Variants in PPP4R3A observed in about 807,000 individuals in gnomAD.
PPP4R3A encodes serine/threonine-protein phosphatase 4 regulatory subunit 3A.
A neutral mutation model predicts 91.7 loss-of-function variants in PPP4R3A; 15 were observed. The ratio of observed to expected loss-of-function variants is 0.16; its 90% confidence interval spans 0.11 to 0.25. PPP4R3A has a LOEUF of 0.25. Among genes scored for constraint, PPP4R3A ranks in the 10% least tolerant of loss-of-function variants. The pLI, the probability that PPP4R3A is intolerant of heterozygous loss-of-function variation, is 1.00. For missense variants in PPP4R3A, 623 were observed against 998.4 expected, an observed-to-expected ratio of 0.62 and a Z score of 5.07; for synonymous variants, 377 against 348.7, an observed-to-expected ratio of 1.08 and a Z score of -0.91.
rs138462363 is a variant in PPP4R3A, at chr14:91,502,736, C to T, written c.142+6770G>A. ...CTTGAACAAAAACATTTCTCCATGT[C>T]TCATTTTCTTCATGCCTCAAGTAAC... is the stretch of plus-strand genomic sequence containing the variant. On this transcript the variant is annotated intron_variant, in intron 1 of 14. Transcript: ENST00000554943. Among the ~76,000 whole-genome samples, 311 of 152,316 alleles carry T rather than the reference C, an allele frequency of 2.0e-3. 1 individual carries two copies. The highest frequency in any genetic ancestry group is 6.8e-3 in the Middle Eastern group (2 of 294).
intron 14 of PPP4R3A, 106 bp from the exon 15 acceptor site, chr14:91,458,975 T>G: frequency 7.8e-7 from 1 of 1,279,014 alleles, no homozygotes; most frequent in Admixed American, 2.8e-5. Flanking sequence ...ATAGTAACGG[T>G]GGTTATTTCT....
At chr14:91,496,893 G>A (rs1215179666) in intron 1 of PPP4R3A, among the ~76,000 whole-genome samples, 1 of 152,090 alleles carries the variant, frequency 6.6e-6, no homozygotes, top group Non-Finnish European at 1.5e-5. Flanking sequence ...GTTTTATTGA[G>A]CCAAGTTATA....
chr14:91,458,682 TG>T lies in PPP4R3A; in HGVS notation c.*76del. The T allele has an allele frequency of 6.2e-7, 1 of 1,607,320 alleles. No homozygotes were observed. The highest frequency in any genetic ancestry group is 8.5e-7 in the Non-Finnish European group (1 of 1,174,294). ...TCATTCACAAGAGACCACTGCGCTT[TG>T]TTGTGGATTTTGTATGGGGGAGGGG... On this transcript the variant is annotated 3_prime_UTR_variant, in exon 15 of 15. Transcript: ENST00000554943.
Position 91,482,113 on chromosome 14 carries a change from T to A in PPP4R3A, c.378A>T (p.Ser126=). The change falls in exon 4 of 15, where the codon TCA becomes TCT. Residue 126 remains serine, a synonymous_variant. Transcript: ENST00000554943. ...AAGATGGCAATTCTAAGCCTGGCGA[T>A]GACATATCATCAAAACGCTCCTCTT... ...ESEEERFDDM[S]SPGLELPSCE... is the part of the protein sequence containing the mutation. The A allele has an allele frequency of 1.9e-6, 3 of 1,614,142 alleles. No individual in the cohort carries two copies. The highest frequency in any genetic ancestry group is 2.5e-6 in the Non-Finnish European group (3 of 1,180,026).
chr14:91,489,153 T>C (rs6575198), intron 2 of PPP4R3A, among the ~76,000 whole-genome samples: 132,429 of 151,758 alleles, frequency 0.87, 58,038 homozygotes, highest in East Asian at 0.96. Flanking sequence ...ATGATCCGCC[T>C]GCCTCGGCCT....
intron 4 of PPP4R3A, among the ~76,000 whole-genome samples, chr14:91,478,165 T>C (rs1465876224): frequency 6.6e-6 from 1 of 152,206 alleles, no homozygotes; most frequent in Non-Finnish European, 1.5e-5. Flanking sequence ...AATGAACAAA[T>C]AGGTCATACC....
intron 2 of PPP4R3A, among the ~76,000 whole-genome samples, chr14:91,489,334 A>G (rs1890094659): frequency 6.6e-6 from 1 of 152,226 alleles, no homozygotes. Flanking sequence ...TATCAGCCTT[A>G]TTAAAGGCTA....
Position 91,508,928 on chromosome 14 carries a change from G to C in PPP4R3A, c.142+578C>G, listed in dbSNP as rs572909683. 3.3e-5 allele frequency among the ~76,000 whole-genome samples: 5 copies of C among 152,302 alleles called. No individual in the cohort carries two copies. In the South Asian group the frequency reaches 1.0e-3, roughly 32 times the overall value. ...AAAAAGACAACCAACACTGGTGAAC[G>C]AAAATCTTCGCAAGGGAAAGCGTTT... On this transcript the variant is annotated intron_variant, in intron 1 of 14. Transcript: ENST00000554943.
Position 91,494,962 on chromosome 14 carries a change from T to C in PPP4R3A, c.143-4160A>G, listed in dbSNP as rs575055264. 2.8e-4 allele frequency among the ~76,000 whole-genome samples: 42 copies of C among 152,186 alleles called. No homozygotes were observed. In the East Asian group the frequency reaches 4.1e-3, roughly 15 times the overall value. On this transcript the variant is annotated intron_variant, in intron 1 of 14. Coordinates refer to ENST00000554943, the MANE Select transcript of PPP4R3A (RefSeq NM_001366432.2). Reference sequence around the variant, plus strand: ...ACAATAACAAGCGGTGACAAGGCTGTAGAGAAATGGGAAGCTTCATACATT... The same window carrying C: ...ACAATAACAAGCGGTGACAAGGCTGCAGAGAAATGGGAAGCTTCATACATT...
At chr14:91,497,372 ACACACACG>A (rs1424770038) in intron 1 of PPP4R3A, among the ~76,000 whole-genome samples, 2 of 105,024 alleles carry the variant, frequency 1.9e-5, no homozygotes, top group Non-Finnish European at 4.1e-5. Context: ...ACACACACAC[ACACACACG>A]ATACCTTTTC....
intron 1 of PPP4R3A, among the ~76,000 whole-genome samples, chr14:91,507,612 T>TAG (rs1360094354): frequency 4.8e-5 from 7 of 146,246 alleles, no homozygotes; most frequent in African/African-American, 1.5e-4. Flanking sequence ...CATACTATAG[T>TAG]TATATATACT....
At chr14:91,468,697 A>G (rs1888643630) in intron 10 of PPP4R3A, among the ~76,000 whole-genome samples, 1 of 145,324 alleles carries the variant, frequency 6.9e-6, no homozygotes, top group South Asian at 2.2e-4. Context: ...AAAGGAAAAA[A>G]GAAAAAAAAG....
chr14:91,495,330 T>TGTGTGTGTGTGTGTGTG (rs1555437585), intron 1 of PPP4R3A, among the ~76,000 whole-genome samples: 1 of 25,722 alleles, frequency 3.9e-5, no homozygotes, highest in African/African-American at 1.5e-4. Context: ...GTGTGTATGT[T>TGTGTGTGTGTGTGTGTG]TTTTTTTAGA....
In PPP4R3A at chr14:91,471,008, AAACAC is replaced by A. The variant is rs1888797759; in HGVS notation, c.1502-18_1502-14del. ...GTCTGAAAATCATCTAAAAGAAACA[AAACAC>A]AACTAATTATATTTAATGACTAACA... On this transcript the variant is annotated splice_polypyrimidine_tract_variant and intron_variant, in intron 9 of 14. Coordinates refer to ENST00000554943, the MANE Select transcript of PPP4R3A (RefSeq NM_001366432.2). 1 of 1,570,760 alleles carries A rather than the reference AAACAC, an allele frequency of 6.4e-7. No individual in the cohort carries two copies. Among genetic ancestry groups the A allele is most frequent in the East Asian group, 2.3e-5 (1 of 44,200 alleles).
At chr14:91,489,549 TCTTG>T (rs1287083736) in intron 2 of PPP4R3A, among the ~76,000 whole-genome samples, 3 of 152,224 alleles carry the variant, frequency 2.0e-5, no homozygotes, top group Non-Finnish European at 4.4e-5. Flanking sequence ...CCCCAAATTA[TCTTG>T]CTTATCACCC....
intron 12 of PPP4R3A, among the ~76,000 whole-genome samples, chr14:91,462,468 G>T (rs3818259): frequency 0.49 from 74,121 of 150,636 alleles, 18,525 homozygotes; most frequent in Admixed American, 0.53. Flanking sequence ...GATTTTATTT[G>T]GAACACATGA....
intron 4 of PPP4R3A, among the ~76,000 whole-genome samples, chr14:91,480,651 C>T (rs11628439): frequency 0.44 from 66,767 of 152,006 alleles, 15,055 homozygotes; most frequent in Admixed American, 0.46. Context: ...TGGCTTTGTG[C>T]TTCACTCTTT....
chr14:91,507,500 T>C (rs1257332537), intron 1 of PPP4R3A, among the ~76,000 whole-genome samples: 1 of 139,166 alleles, frequency 7.2e-6, no homozygotes, highest in Non-Finnish European at 1.5e-5. Flanking sequence ...CTATATAGAA[T>C]ATATGCTATA....
intron 1 of PPP4R3A, among the ~76,000 whole-genome samples, chr14:91,503,259 G>C (rs1432695392): frequency 1.3e-5 from 2 of 151,718 alleles, no homozygotes; most frequent in East Asian, 3.9e-4. Context: ...CAAAGTGCTA[G>C]GATTACAGAT....
Sources: gnomAD v4.1 joint callset for allele counts (sites outside exome capture counted in the v4.1 genomes callset) on GRCh38, gnomAD v4.1.1 for gene constraint, MANE v1.5 for transcripts, NCBI Gene and HGNC (gene_info 2026-07-23, HGNC 2026-07-21) for gene names.